Variants in FLT4 observed in about 807,000 individuals in gnomAD.
FLT4 encodes vascular endothelial growth factor receptor 3.
In FLT4, 30 loss-of-function variants were observed where a neutral mutation model predicts 163.2. The observed-to-expected ratio is 0.18, with a 90% CI of 0.14 to 0.25. FLT4 has a LOEUF of 0.25. Ranked by LOEUF, FLT4 falls within the 10% of genes least tolerant of loss-of-function variation. FLT4 has a pLI of 1.00. For missense variants in FLT4, 1,510 were observed against 1,863.8 expected, an observed-to-expected ratio of 0.81 and a Z score of 3.50; for synonymous variants, 884 against 789.5, an observed-to-expected ratio of 1.12 and a Z score of -2.01.
At chr5:180,611,018 C>T (rs943230759) in intron 27 of FLT4, among the ~76,000 whole-genome samples, 11 of 152,184 alleles carry the variant, frequency 7.2e-5, no homozygotes, top group Non-Finnish European at 1.5e-4. Context: ...GATCGCGCCA[C>T]TGCACTCCAG....
chr5:180,611,572 C>T (rs1395953461), intron 26 of FLT4, 93 bp from the exon 27 acceptor site: 9 of 1,368,972 alleles, frequency 6.6e-6, no homozygotes, highest in African/African-American at 1.5e-5. Context: ...CCGCCCTCAG[C>T]CCTCACCCCC....
intron 28 of FLT4, 46 bp from the exon 29 acceptor site, chr5:180,609,099 TCCTGCAGGG>T (rs779381278): frequency 6.5e-7 from 1 of 1,540,640 alleles, no homozygotes; most frequent in Non-Finnish European, 9.0e-7. Context: ...CCTGAGGCCC[TCCTGCAGGG>T]CAGCCACCCC....
intron 28 of FLT4, 31 bp downstream of exon 28, chr5:180,609,874 G>T: frequency 6.2e-7 from 1 of 1,613,626 alleles, no homozygotes; most frequent in South Asian, 1.1e-5. Context: ...CCTGAGCCGA[G>T]AGCGCAGCCC....
chr5:180,615,780 C>G (rs201752363), intron 23 of FLT4, among the ~76,000 whole-genome samples: 4 of 5,674 alleles, frequency 7.0e-4, no homozygotes, highest in Non-Finnish European at 1.0e-3. Flanking sequence ...GAGCACTGGG[C>G]CCCGCCGGTC....
At chr5:180,619,902 G>A (rs1281633095) in intron 17 of FLT4, 133 bp from the exon 18 acceptor site, 7 of 716,312 alleles carry the variant, frequency 9.8e-6, no homozygotes, top group East Asian at 5.3e-5. Context: ...GAGCCACAGC[G>A]GGAAGACAAG....
intron 26 of FLT4, 119 bp downstream of exon 26, chr5:180,612,387 C>A: frequency 1.3e-6 from 1 of 788,404 alleles, no homozygotes; most frequent in Admixed American, 1.7e-5. Context: ...GACCCCACCA[C>A]CCTAGCCTAG....
At position 180,619,235 on chromosome 5, in the gene FLT4, G is replaced by T; in HGVS notation, c.2761+18C>A. ...GCGCCCGGGGTCTCGCCGTCCCAGC[G>T]GGCCGCCCGCTCCGTACCCTGCGGC... On this transcript the variant is annotated intron_variant, in intron 19 of 29. Coordinates refer to ENST00000261937, the MANE Select transcript of FLT4 (RefSeq NM_182925.5). 3 of 1,574,954 alleles carry T rather than the reference G, an allele frequency of 1.9e-6. No homozygotes were observed. The highest frequency in any genetic ancestry group is 1.1e-5 in the South Asian group (1 of 87,920).
At chr5:180,611,965 G>C (rs932960012) in intron 26 of FLT4, among the ~76,000 whole-genome samples, 1 of 152,156 alleles carries the variant, frequency 6.6e-6, no homozygotes. Context: ...TTCTTCTTTG[G>C]ATGGAACTAG....
Position 180,629,877 on chromosome 5 carries a change from G to A in FLT4, c.677-42C>T, listed in dbSNP as rs371459597. 6.0e-5 allele frequency: 97 copies of A among 1,612,484 alleles called. 1 individual carries two copies. The highest frequency in any genetic ancestry group is 3.3e-4 in the Middle Eastern group (2 of 6,084). ...AGTGACTCCCACGCCCTCACAGGAC[G>A]ACACCCACTGAGGCCAGTGAGGCAG... is the stretch of plus-strand genomic sequence containing the variant. On this transcript the variant is annotated intron_variant, in intron 5 of 29. Transcript: ENST00000261937.
intron 26 of FLT4, 33 bp downstream of exon 26, chr5:180,612,473 G>A (rs1762286468): frequency 1.3e-6 from 2 of 1,521,468 alleles, no homozygotes; most frequent in East Asian, 2.2e-5. Context: ...GGGGCCAAAG[G>A]CCATAGTAGA....
At chr5:180,611,542 C>G in intron 26 of FLT4, 63 bp from the exon 27 acceptor site, 1 of 1,561,652 alleles carries the variant, frequency 6.4e-7, no homozygotes, top group Non-Finnish European at 8.7e-7. Context: ...AGCCCTCGCC[C>G]CCACCCTCAG....
intron 23 of FLT4, among the ~76,000 whole-genome samples, chr5:180,615,134 C>A (rs182248340): frequency 2.9e-4 from 44 of 152,260 alleles, no homozygotes; most frequent in Admixed American, 7.2e-4. Context: ...AAGCTCCAAT[C>A]GGAGCACTGC....
At chr5:180,648,967 C>G (rs1305548295) in intron 1 of FLT4, among the ~76,000 whole-genome samples, 2 of 152,188 alleles carry the variant, frequency 1.3e-5, no homozygotes, top group Non-Finnish European at 2.9e-5. Flanking sequence ...CTGTCCCCGC[C>G]GTCGCCGGCC....
intron 18 of FLT4, 115 bp from the exon 19 acceptor site, chr5:180,619,481 C>T: frequency 1.1e-6 from 1 of 938,898 alleles, no homozygotes; most frequent in East Asian, 2.5e-5. Flanking sequence ...ATCCTGCCGG[C>T]CCCACTGAGG....
At chr5:180,635,109 T>G (rs185112067) in intron 1 of FLT4, among the ~76,000 whole-genome samples, 3 of 13,354 alleles carry the variant, frequency 2.2e-4, no homozygotes, top group Non-Finnish European at 2.9e-4. Context: ...TGGATGGAAG[T>G]ATGGGTGGAG....
intron 10 of FLT4, among the ~76,000 whole-genome samples, chr5:180,624,888 C>T (rs1177000634): frequency 6.6e-6 from 1 of 152,244 alleles, no homozygotes; most frequent in Admixed American, 6.5e-5. Context: ...GTGGAGGAGC[C>T]GAGCAGGGAC....
chr5:180,648,980 G>A (rs957967630), intron 1 of FLT4, among the ~76,000 whole-genome samples: 2 of 152,156 alleles, frequency 1.3e-5, no homozygotes, highest in African/African-American at 2.4e-5. Context: ...CGCCGGCCAC[G>A]GGGAGGGGGA....
chr5:180,616,816 G>T, intron 22 of FLT4, 84 bp downstream of exon 22: 1 of 1,056,502 alleles, frequency 9.5e-7, no homozygotes. Flanking sequence ...AGCCATTGCA[G>T]GGTGAGGCCA....
At position 180,620,802 on chromosome 5, in the gene FLT4, T is replaced by G. The variant is rs1763077959; in HGVS notation, c.2299+74A>C. 1 of 1,605,112 alleles carries G rather than the reference T, an allele frequency of 6.2e-7. No individual in the cohort carries two copies. The highest frequency in any genetic ancestry group is 1.3e-5 in the African/African-American group (1 of 74,796). On this transcript the variant is annotated intron_variant, in intron 15 of 29. Transcript: ENST00000261937. The surrounding 1 kb of genome is among the most constrained non-coding windows in gnomAD (Gnocchi z 4.4). Reference sequence around the variant, plus strand: ...CAGCACCCCTTCTGGTGGCCACGACTTGCCCAAGGTGGCCACAAGAAAGCG... The same window carrying G: ...CAGCACCCCTTCTGGTGGCCACGACGTGCCCAAGGTGGCCACAAGAAAGCG...
Sources: gnomAD v4.1 joint callset for allele counts (sites outside exome capture counted in the v4.1 genomes callset) on GRCh38, gnomAD v4.1.1 for gene constraint, Gnocchi (gnomAD v3.1) non-coding constraint, MANE v1.5 for transcripts, NCBI Gene and HGNC (gene_info 2026-07-23, HGNC 2026-07-21) for gene names.